COL23A1: variants seen among roughly 807,000 people sequenced by gnomAD.
The protein encoded by COL23A1 is collagen type XXIII alpha 1 chain.
A neutral mutation model predicts 99.3 loss-of-function variants in COL23A1; 97 were observed. That is an observed-to-expected ratio of 0.98 (90% CI 0.83 to 1.16). The LOEUF is 1.16. COL23A1 is among the 50% of genes most tolerant of loss of function. The pLI is 0.00. For missense variants in COL23A1, 762 were observed against 757.4 expected (o/e 1.01, Z -0.07); for synonymous variants, 320 against 308.2 (o/e 1.04, Z -0.40).
chr5:178,240,985 C>A (rs529857822), intron 27 of COL23A1, among the ~76,000 whole-genome samples: 1 of 152,180 alleles, frequency 6.6e-6, no homozygotes, highest in Non-Finnish European at 1.5e-5. Flanking sequence ...TCACACCTGT[C>A]GTCCCAGCAC....
chr5:178,295,397 A>G (rs1410050920), intron 3 of COL23A1, among the ~76,000 whole-genome samples: 2 of 152,382 alleles, frequency 1.3e-5, no homozygotes, highest in Non-Finnish European at 1.5e-5. Flanking sequence ...TTTTGTAGCT[A>G]TAAGTGCTAA....
At position 178,308,936 on chromosome 5, in the gene COL23A1, A is replaced by T; in HGVS notation, c.362-2017T>A. Among the ~76,000 whole-genome samples, 1 of 152,160 alleles carries T rather than the reference A, an allele frequency of 6.6e-6. No individual in the cohort carries two copies. The highest frequency in any genetic ancestry group is 2.1e-4 in the South Asian group (1 of 4,818). On this transcript the variant is annotated intron_variant, in intron 2 of 28. Coordinates refer to ENST00000390654, the MANE Select transcript of COL23A1 (RefSeq NM_173465.4). This position sits in a 1 kb window ranked among gnomAD's most constrained non-coding sequence, Gnocchi z 5.1. ...TGTTCCTCGGGCTGTAGGAGGAAGA[A>T]GGCCCAGTGGCCACCCACAAAGCTT... is the stretch of plus-strand genomic sequence containing the variant.
intron 1 of COL23A1, among the ~76,000 whole-genome samples, chr5:178,585,104 G>A (rs906271511): frequency 6.6e-6 from 1 of 152,168 alleles, no homozygotes; most frequent in African/African-American, 2.4e-5. Context: ...GGACAGCAGA[G>A]CCCCAGGGGA....
At chr5:178,534,984 T>G (rs1339475431) in intron 2 of COL23A1, among the ~76,000 whole-genome samples, 1 of 151,104 alleles carries the variant, frequency 6.6e-6, no homozygotes, top group Non-Finnish European at 1.5e-5. Flanking sequence ...TTTTTTTTTT[T>G]TTTTGAGCAG....
At chr5:178,401,960 C>T (rs111596809) in intron 2 of COL23A1, among the ~76,000 whole-genome samples, 6,381 of 152,112 alleles carry the variant, frequency 0.042, 421 homozygotes, top group African/African-American at 0.14. Flanking sequence ...GGATTACAGG[C>T]GCCTGCCACC....
At chr5:178,249,257 T>C (rs774274164) in intron 18 of COL23A1, 51 bp from the exon 19 acceptor site, 17 of 1,557,924 alleles carry the variant, frequency 1.1e-5, no homozygotes, top group Admixed American at 1.7e-5. Context: ...GTCCCCTCCC[T>C]TCTCCCCCCA....
At chr5:178,458,370 G>A (rs55737316) in intron 2 of COL23A1, among the ~76,000 whole-genome samples, 5 of 152,242 alleles carry the variant, frequency 3.3e-5, no homozygotes, top group African/African-American at 1.2e-4. Flanking sequence ...AGCCGGGCAC[G>A]GTGGCTCATG....
intron 1 of COL23A1, among the ~76,000 whole-genome samples, chr5:178,568,157 T>C (rs1762925568): frequency 6.6e-6 from 1 of 152,242 alleles, no homozygotes; most frequent in Admixed American, 6.5e-5. Flanking sequence ...TTGTGAGACA[T>C]TCTATAAAAT....
At chr5:178,574,579 G>A (rs781556109) in intron 1 of COL23A1, among the ~76,000 whole-genome samples, 1 of 152,158 alleles carries the variant, frequency 6.6e-6, no homozygotes, top group Non-Finnish European at 1.5e-5. Context: ...TTTGGAAGCC[G>A]CTTAATGCTC....
intron 3 of COL23A1, among the ~76,000 whole-genome samples, chr5:178,290,909 G>A (rs73804772): frequency 0.017 from 2,535 of 152,262 alleles, 68 homozygotes; most frequent in African/African-American, 0.056. Flanking sequence ...ACCAGATGAG[G>A]GCTCACAGAG....
At chr5:178,286,311 C>A (rs1002916418) in intron 5 of COL23A1, among the ~76,000 whole-genome samples, 8 of 152,286 alleles carry the variant, frequency 5.3e-5, no homozygotes, top group African/African-American at 1.9e-4. Flanking sequence ...CTTGCTGGAC[C>A]CCAGCTCTCT....
At chr5:178,505,985 C>G (rs935782439) in intron 2 of COL23A1, among the ~76,000 whole-genome samples, 17 of 152,072 alleles carry the variant, frequency 1.1e-4, no homozygotes, top group African/African-American at 2.4e-5. Flanking sequence ...ACCAGCCCCC[C>G]AAGTCCATGG....
At chr5:178,416,624 T>C (rs1765326677) in intron 2 of COL23A1, among the ~76,000 whole-genome samples, 1 of 152,226 alleles carries the variant, frequency 6.6e-6, no homozygotes, top group Admixed American at 6.5e-5. Context: ...CTGAGTGCTT[T>C]GTGAACATTA....
At chr5:178,245,913 A>G (rs1231526868) in intron 25 of COL23A1, 29 bp downstream of exon 25, 13 of 1,613,678 alleles carry the variant, frequency 8.1e-6, no homozygotes, top group African/African-American at 5.3e-5. Context: ...GAGGCACCCA[A>G]TTACTCAAAG....
At chr5:178,262,520 G>C (rs918440832) in intron 9 of COL23A1, among the ~76,000 whole-genome samples, 40 of 152,206 alleles carry the variant, frequency 2.6e-4, no homozygotes, top group African/African-American at 9.4e-4. Flanking sequence ...GGATCCATTT[G>C]ACTGGGGGGG....
intron 2 of COL23A1, among the ~76,000 whole-genome samples, chr5:178,523,193 T>TAGAG (rs1562051752): frequency 5.0e-5 from 4 of 80,018 alleles, no homozygotes; most frequent in African/African-American, 1.6e-4. Context: ...TATATATATA[T>TAGAG]ATATATATAG....
rs746307089 is a variant in COL23A1, at chr5:178,307,659, G to A, written c.362-740C>T. ...TGAAGGAGACGCTTTGACTCTGGCCGTGGGAGCAGAGGTCTGAGGCCTCCC... is the reference window on the plus strand; with the variant it reads ...TGAAGGAGACGCTTTGACTCTGGCCATGGGAGCAGAGGTCTGAGGCCTCCC... On this transcript the variant is annotated intron_variant, in intron 2 of 28. Coordinates refer to ENST00000390654, the MANE Select transcript of COL23A1 (RefSeq NM_173465.4). The surrounding 1 kb of genome is among the most constrained non-coding windows in gnomAD (Gnocchi z 4.2). 2.0e-4 allele frequency among the ~76,000 whole-genome samples: 30 copies of A among 152,228 alleles called. No homozygotes were observed. The highest frequency in any genetic ancestry group is 4.3e-4 in the African/African-American group (18 of 41,460).
rs549776246 is a variant in COL23A1 at position 178,409,580 on chromosome 5, G to A, written c.362-102661C>T. ...CAGAGTTACATCAGATGCAACTATTGAGGAACACTGGCTGAAGAGTACAAG... is the reference window on the plus strand; with the variant it reads ...CAGAGTTACATCAGATGCAACTATTAAGGAACACTGGCTGAAGAGTACAAG... On this transcript the variant is annotated intron_variant, in intron 2 of 28. Transcript: ENST00000390654. Among the ~76,000 whole-genome samples the A allele has an allele frequency of 7.9e-5, 12 of 152,322 alleles. No homozygotes were observed. The South Asian group carries it at 2.5e-3, about 32-fold the overall frequency.
At chr5:178,447,336 T>C (rs1173551572) in intron 2 of COL23A1, among the ~76,000 whole-genome samples, 2 of 152,158 alleles carry the variant, frequency 1.3e-5, no homozygotes, top group Non-Finnish European at 2.9e-5. Context: ...TCAAGTGATA[T>C]GCCCACCTCG....
Sources: allele counts gnomAD v4.1 joint callset (sites outside exome capture counted in the v4.1 genomes callset), GRCh38; gene constraint gnomAD v4.1.1; non-coding constraint Gnocchi (gnomAD v3.1); transcripts MANE v1.5; gene names NCBI Gene and HGNC (gene_info 2026-07-23, HGNC 2026-07-21).